The following CAMTA1 variants were observed in gnomAD, a reference collection of about 807,000 sequenced individuals.
CAMTA1 encodes calmodulin-binding transcription activator 1.
In CAMTA1, 27 loss-of-function variants were observed where a neutral mutation model predicts 170.9. The ratio of observed to expected loss-of-function variants is 0.16; its 90% CI spans 0.12 to 0.22. CAMTA1 has a LOEUF of 0.22. CAMTA1 is among the 10% of genes least tolerant of loss of function. The pLI, the probability that CAMTA1 is intolerant of heterozygous loss-of-function variation, is 1.00. For missense variants in CAMTA1, 1,619 were observed against 2,217.2 expected, an observed-to-expected ratio of 0.73 and a Z score of 5.42; for synonymous variants, 833 against 891.5, an observed-to-expected ratio of 0.93 and a Z score of 1.17.
chr1:6,955,460 C>CG (rs945412736), intron 3 of CAMTA1, among the ~76,000 whole-genome samples: 2 of 152,148 alleles, frequency 1.3e-5, no homozygotes, highest in African/African-American at 2.4e-5. Flanking sequence ...GGTTTGGAGT[C>CG]GGGGGCTTTG....
At chr1:7,370,056 A>C (rs1405738425) in intron 5 of CAMTA1, 2 of 152,294 alleles carry the variant, frequency 1.3e-5, no homozygotes, top group South Asian at 4.1e-4. Flanking sequence ...CCTTGCTTAC[A>C]TCACGGCACT....
In CAMTA1 at chr1:7,469,732, C is replaced by G. The variant is rs546188450; in HGVS notation, c.510+1831C>G. Among the ~76,000 whole-genome samples, 314 of 152,344 alleles carry G rather than the reference C, an allele frequency of 2.1e-3. 1 individual carries two copies. The highest frequency in any genetic ancestry group is 2.0e-3 in the Non-Finnish European group (134 of 68,028). ...GCCTGCCTCCCCTCATTCCATCATG[C>G]CCTTGTGGCTTTTTAATTCCACTAA... On this transcript the variant is annotated intron_variant, in intron 6 of 22. Transcript: ENST00000303635.
chr1:7,307,905 AAG>A (rs1435778057), intron 5 of CAMTA1, among the ~76,000 whole-genome samples: 2 of 152,164 alleles, frequency 1.3e-5, no homozygotes, highest in East Asian at 1.9e-4. Context: ...TGTTTTCTGG[AAG>A]AGTTTGTGTA....
At chr1:7,274,483 G>A (rs1670295646) in intron 5 of CAMTA1, among the ~76,000 whole-genome samples, 1 of 152,136 alleles carries the variant, frequency 6.6e-6, no homozygotes, top group South Asian at 2.1e-4. Context: ...AGGAAGAATG[G>A]ATAAATTTCA....
intron 2 of CAMTA1, among the ~76,000 whole-genome samples, chr1:6,821,909 T>C (rs537604104): frequency 6.6e-6 from 1 of 152,168 alleles, no homozygotes; most frequent in Non-Finnish European, 1.5e-5. Flanking sequence ...ACCTTGTAGG[T>C]TGACTAGAAA....
At chr1:7,218,270 T>C (rs1660103942) in intron 4 of CAMTA1, among the ~76,000 whole-genome samples, 1 of 152,234 alleles carries the variant, frequency 6.6e-6, no homozygotes, top group Non-Finnish European at 1.5e-5. Flanking sequence ...TGTAGTGTTA[T>C]GACACAGTTC....
At chr1:6,924,966 T>G (rs1410218704) in intron 3 of CAMTA1, among the ~76,000 whole-genome samples, 2 of 152,254 alleles carry the variant, frequency 1.3e-5, no homozygotes, top group Admixed American at 1.3e-4. Context: ...TGGGGGGGAC[T>G]GTGCTGTGGC....
At chr1:7,498,191 A>AGT (rs1553182530) in intron 6 of CAMTA1, among the ~76,000 whole-genome samples, 17 of 148,628 alleles carry the variant, frequency 1.1e-4, no homozygotes, top group South Asian at 2.2e-4. Flanking sequence ...TATGAGAGTG[A>AGT]GTGTGTGTGT....
At chr1:7,709,946 G>A (rs2096556672) in intron 11 of CAMTA1, among the ~76,000 whole-genome samples, 2 of 152,240 alleles carry the variant, frequency 1.3e-5, no homozygotes, top group Admixed American at 1.3e-4. Context: ...TCTTTCTGTG[G>A]ACCACAGTTT....
At chr1:7,223,876 T>C (rs1297266829) in intron 4 of CAMTA1, among the ~76,000 whole-genome samples, 1 of 152,182 alleles carries the variant, frequency 6.6e-6, no homozygotes, top group South Asian at 2.1e-4. Context: ...TAGATGTATT[T>C]ACATGTATTT....
intron 3 of CAMTA1, among the ~76,000 whole-genome samples, chr1:6,995,302 T>C (rs926440490): frequency 1.1e-4 from 13 of 113,202 alleles, no homozygotes; most frequent in African/African-American, 3.6e-4. Flanking sequence ...TTTCTTTTTT[T>C]TTTTTTTTTT....
intron 7 of CAMTA1, among the ~76,000 whole-genome samples, chr1:7,654,756 C>A (rs2095870684): frequency 6.9e-6 from 1 of 145,602 alleles, no homozygotes; most frequent in Admixed American, 6.9e-5. Flanking sequence ...CACACATATA[C>A]AAACACACCC....
At chr1:7,492,916 CAA>C (rs2093743318) in intron 6 of CAMTA1, among the ~76,000 whole-genome samples, 2 of 148,704 alleles carry the variant, frequency 1.3e-5, no homozygotes, top group African/African-American at 5.0e-5. Context: ...TGCACACACA[CAA>C]ACCTGCAAAC....
intron 6 of CAMTA1, among the ~76,000 whole-genome samples, chr1:7,579,556 T>TC (rs1380710143): frequency 9.4e-6 from 1 of 106,080 alleles, no homozygotes; most frequent in Non-Finnish European, 1.6e-5. Flanking sequence ...TCTTTTCTTT[T>TC]TTTTTTTTTT....
intron 4 of CAMTA1, among the ~76,000 whole-genome samples, chr1:7,104,063 TAC>T (rs1453250760): frequency 6.8e-6 from 1 of 146,856 alleles, no homozygotes; most frequent in African/African-American, 2.5e-5. Context: ...TACACAGATG[TAC>T]ACACTACACA....
intron 5 of CAMTA1, among the ~76,000 whole-genome samples, chr1:7,398,191 C>CTATA (rs2089555797): frequency 1.9e-4 from 5 of 26,908 alleles, no homozygotes; most frequent in African/African-American, 3.2e-4. Context: ...CTCTCTCTCT[C>CTATA]TCTATATATA....
rs1296853283 is a variant in CAMTA1 at position 7,007,004 on chromosome 1, T to G, written c.235-84300T>G. Among the ~76,000 whole-genome samples, 2 of 136,864 alleles carry G rather than the reference T, an allele frequency of 1.5e-5. No homozygotes were observed. The highest frequency in any genetic ancestry group is 3.2e-5 in the Non-Finnish European group (2 of 62,742). The allele number at this position is 136,864 out of a possible 152,430, so 89.8% of individuals were successfully genotyped here. The stretch of plus-strand genomic sequence containing the variant: ...TCTTAACAAGAATGTCAGATGGTAG[T>G]AAAAAAAAAAAAAAAAAATAAGAAT... On this transcript the variant is annotated intron_variant, in intron 3 of 22. Transcript: ENST00000303635. This position sits in a 1 kb window ranked among gnomAD's most constrained non-coding sequence, Gnocchi z 4.5.
rs369402504 is a variant in CAMTA1, at chr1:7,325,326, T to C, written c.438+75700T>C. 2.6e-5 allele frequency among the ~76,000 whole-genome samples: 4 copies of C among 152,282 alleles called. No homozygotes were observed. Among genetic ancestry groups the C allele is most frequent in the Admixed American group, 2.6e-4 (4 of 15,306 alleles). On this transcript the variant is annotated intron_variant, in intron 5 of 22. Coordinates refer to ENST00000303635, the MANE Select transcript of CAMTA1 (RefSeq NM_015215.4). The surrounding 1 kb of genome is among the most constrained non-coding windows in gnomAD (Gnocchi z 5.0). Reference sequence around the variant, plus strand: ...GAGGCTGGGAATGCAAATGGCAGTTTTCTGTGGAGTGCTCAGGGGCGGCCT... The same window carrying C: ...GAGGCTGGGAATGCAAATGGCAGTTCTCTGTGGAGTGCTCAGGGGCGGCCT...
At chr1:7,398,179 CTCTCTCT>C (rs2089504635) in intron 5 of CAMTA1, among the ~76,000 whole-genome samples, 1 of 43,740 alleles carries the variant, frequency 2.3e-5, no homozygotes, top group Admixed American at 3.3e-4. Flanking sequence ...CTCTCTCTCT[CTCTCTCT>C]CTCTCTCTAT....
Sources: gnomAD v4.1 joint callset for allele counts (sites outside exome capture counted in the v4.1 genomes callset) on GRCh38, gnomAD v4.1.1 for gene constraint, Gnocchi (gnomAD v3.1) non-coding constraint, MANE v1.5 for transcripts, NCBI Gene and HGNC (gene_info 2026-07-23, HGNC 2026-07-21) for gene names.